The following P4HA1 variants were observed in gnomAD, a reference collection of about 807,000 sequenced individuals.
P4HA1 encodes the protein prolyl 4-hydroxylase subunit alpha 1, also known as prolyl 4-hydroxylase subunit alpha-1.
A neutral mutation model predicts 72.8 loss-of-function variants in P4HA1; 24 were observed. That is an observed-to-expected ratio of 0.33 (90% confidence interval 0.24 to 0.46). P4HA1 has a LOEUF of 0.46. Among genes scored for constraint, P4HA1 ranks in the 20% least tolerant of loss-of-function variants. The pLI is 1.00. For missense variants in P4HA1, 446 were observed against 640.6 expected, an observed-to-expected ratio of 0.70 and a Z score of 3.28; for synonymous variants, 201 against 218.8, an observed-to-expected ratio of 0.92 and a Z score of 0.72.
chr10:73,020,815 C>G (rs920822892), intron 10 of P4HA1, among the ~76,000 whole-genome samples: 2 of 152,144 alleles, frequency 1.3e-5, no homozygotes, highest in African/African-American at 4.8e-5. Context: ...ATCATCTCTG[C>G]AAATGCAGAA....
intron 5 of P4HA1, among the ~76,000 whole-genome samples, chr10:73,054,152 C>T (rs760682797): frequency 2.0e-5 from 3 of 152,084 alleles, no homozygotes; most frequent in Non-Finnish European, 4.4e-5. Context: ...GTGATCCACC[C>T]GCCTTGGCCT....
intron 10 of P4HA1, among the ~76,000 whole-genome samples, chr10:73,021,771 C>T (rs1247598955): frequency 6.6e-6 from 1 of 152,202 alleles, no homozygotes; most frequent in Non-Finnish European, 1.5e-5. Flanking sequence ...CCTGGAAAAA[C>T]CGGACAATCC....
At chr10:73,075,138 G>A (rs993567475) in intron 1 of P4HA1, among the ~76,000 whole-genome samples, 3 of 151,994 alleles carry the variant, frequency 2.0e-5, no homozygotes, top group Non-Finnish European at 4.4e-5. Context: ...TTGAAACAGA[G>A]TCTCTGTCGC....
intron 10 of P4HA1, among the ~76,000 whole-genome samples, chr10:73,028,624 G>A (rs554660258): frequency 3.9e-5 from 6 of 151,996 alleles, no homozygotes; most frequent in South Asian, 2.1e-4. Flanking sequence ...TAGTAGAGAC[G>A]GGGTTTCTCC....
intron 9 of P4HA1, among the ~76,000 whole-genome samples, chr10:73,034,882 AAAT>A (rs1407840873): frequency 1.3e-5 from 2 of 152,092 alleles, no homozygotes; most frequent in East Asian, 1.9e-4. Context: ...CACCCAGCCA[AAAT>A]AATGTTTTCA....
At chr10:73,078,187 G>C (rs1411114379) in intron 1 of P4HA1, among the ~76,000 whole-genome samples, 1 of 151,136 alleles carries the variant, frequency 6.6e-6, no homozygotes, top group African/African-American at 2.4e-5. Flanking sequence ...TAATAGACAA[G>C]TAGATATAGA....
At position 73,047,053 on chromosome 10, in the gene P4HA1, G is replaced by A. The variant is rs199932585; in HGVS notation, c.949C>T (p.Arg317Cys). The change falls in exon 8 of 15, where the codon CGT becomes TGT. Residue 317 changes from arginine to cysteine, a missense_variant. Arg to Cys is a radical substitution (Grantham distance 180). Transcript: ENST00000394890. Reference sequence around the variant, plus strand: ...GGAGCCAGAATAAATTTAGGATTACGGTTTCCATCATGGTAGCGGCAAAAG... The same window carrying A: ...GGAGCCAGAATAAATTTAGGATTACAGTTTCCATCATGGTAGCGGCAAAAG... ...KLFCRYHDGN[R>C]NPKFILAPAK... The A allele has an allele frequency of 6.2e-7, 1 of 1,613,670 alleles. No individual in the cohort carries two copies.
In P4HA1 at chr10:73,009,906, A is replaced by G; in HGVS notation, c.1438-3T>C. ...TTATACCAGAAAACAGCAGTTCCCT[A>G]TGGAGAACAATTCACAATTATCCCC... On this transcript the variant is annotated splice_region_variant and splice_polypyrimidine_tract_variant and intron_variant, in intron 13 of 14. Coordinates refer to ENST00000394890, the MANE Select transcript of P4HA1 (RefSeq NM_001017962.3). The G allele has an allele frequency of 1.3e-6, 2 of 1,515,678 alleles. No individual in the cohort carries two copies. Among genetic ancestry groups the G allele is most frequent in the East Asian group, 2.3e-5 (1 of 44,392 alleles). 93.9% of individuals were successfully genotyped at this position (1,515,678 alleles called of 1,614,324 possible).
intron 10 of P4HA1, among the ~76,000 whole-genome samples, chr10:73,019,858 A>G (rs1018604540): frequency 7.3e-5 from 11 of 151,166 alleles, no homozygotes; most frequent in Admixed American, 2.0e-4. Context: ...CTCAGAGGGG[A>G]AAAAAAAAGG....
chr10:73,044,613 T>C (rs557103480), intron 9 of P4HA1, among the ~76,000 whole-genome samples: 1 of 152,318 alleles, frequency 6.6e-6, no homozygotes, highest in African/African-American at 2.4e-5. Flanking sequence ...GAAAACTGCA[T>C]AGGTGAAGAC....
chr10:73,019,397 T>C (rs568962074), intron 10 of P4HA1, among the ~76,000 whole-genome samples: 1 of 152,218 alleles, frequency 6.6e-6, no homozygotes, highest in Admixed American at 6.5e-5. Flanking sequence ...CTGCTGAGAA[T>C]GTAACTCTCT....
intron 9 of P4HA1, among the ~76,000 whole-genome samples, chr10:73,031,476 C>T (rs1310396529): frequency 6.6e-6 from 1 of 152,158 alleles, no homozygotes; most frequent in African/African-American, 2.4e-5. Context: ...CAGAGTGAGA[C>T]CCTGTCTCTA....
intron 1 of P4HA1, among the ~76,000 whole-genome samples, chr10:73,078,301 GAAC>G (rs1439319223): frequency 6.6e-6 from 1 of 151,910 alleles, no homozygotes; most frequent in Non-Finnish European, 1.5e-5. Flanking sequence ...CCCATCAAGT[GAAC>G]AATTAACAAG....
At chr10:73,084,634 C>T (rs1046978164) in intron 1 of P4HA1, among the ~76,000 whole-genome samples, 3 of 152,020 alleles carry the variant, frequency 2.0e-5, no homozygotes, top group Non-Finnish European at 4.4e-5. Flanking sequence ...TTTTATATAG[C>T]AGTTATACTA....
At chr10:73,053,303 A>G (rs1015276662) in intron 6 of P4HA1, 48 bp downstream of exon 6, 1 of 1,547,738 alleles carries the variant, frequency 6.5e-7, no homozygotes, top group African/African-American at 1.4e-5. Flanking sequence ...TAGAGAATAT[A>G]TATCCCTCAA....
At chr10:73,036,243 T>A (rs1589591926) in intron 9 of P4HA1, among the ~76,000 whole-genome samples, 1 of 150,232 alleles carries the variant, frequency 6.7e-6, no homozygotes, top group East Asian at 1.9e-4. Context: ...TTAAAACCAA[T>A]GTTGATTGTA....
At chr10:73,050,320 GCTTT>G (rs916065850) in intron 7 of P4HA1, among the ~76,000 whole-genome samples, 1 of 152,012 alleles carries the variant, frequency 6.6e-6, no homozygotes, top group Non-Finnish European at 1.5e-5. Context: ...TGATTCACAA[GCTTT>G]ATTTTAAAGC....
Position 73,008,074 on chromosome 10 carries a change from T to A in P4HA1, c.*148A>T. The A allele has an allele frequency of 2.1e-6, 1 of 467,938 alleles. No individual in the cohort carries two copies. The allele number at this position is 467,938 out of a possible 1,614,324, so 29.0% of individuals were successfully genotyped here. The stretch of plus-strand genomic sequence containing the variant: ...TAAAAGAACCCACAAAGTAAGCAAT[T>A]GTCCACAGATGAAACATGGGATGAG... On this transcript the variant is annotated 3_prime_UTR_variant, in exon 15 of 15. Coordinates refer to ENST00000394890, the MANE Select transcript of P4HA1 (RefSeq NM_001017962.3).
At chr10:73,019,865 A>G (rs982714029) in intron 10 of P4HA1, among the ~76,000 whole-genome samples, 1 of 152,060 alleles carries the variant, frequency 6.6e-6, no homozygotes, top group Admixed American at 6.5e-5. Flanking sequence ...GGGAAAAAAA[A>G]AGGAAACAAT....
Sources: allele counts gnomAD v4.1 joint callset (sites outside exome capture counted in the v4.1 genomes callset), GRCh38; gene constraint gnomAD v4.1.1; transcripts MANE v1.5; gene names NCBI Gene and HGNC (gene_info 2026-07-23, HGNC 2026-07-21).